The following PHF24 variants were observed in gnomAD, a reference collection of about 807,000 sequenced individuals.
PHF24 encodes the protein PHD finger protein 24, also known as Galpha inhibitory interacting protein.
In PHF24, 25 loss-of-function variants were observed where a neutral mutation model predicts 42.6. That is an observed-to-expected ratio of 0.59 (90% confidence interval 0.43 to 0.82). The LOEUF is 0.82. PHF24 is among the 40% of genes least tolerant of loss of function. PHF24 has a pLI of 0.00. For missense variants in PHF24, 470 were observed against 538.1 expected (o/e 0.87, Z 1.25); for synonymous variants, 185 against 204.8 (o/e 0.90, Z 0.83).
the PHF24 span, among the ~76,000 whole-genome samples, chr9:34,791,111 A>G: frequency 1.3e-5 from 2 of 152,248 alleles, no homozygotes; most frequent in African/African-American, 4.8e-5. Context: ...TTTTAAAAGA[A>G]CCACCCTAAA....
At chr9:34,832,734 A>T in the PHF24 span, 1 of 1,548,932 alleles carries the variant, frequency 6.5e-7, no homozygotes, top group Admixed American at 2.0e-5. Flanking sequence ...CCCATGTAAA[A>T]CTTGGCATTG....
the PHF24 span, among the ~76,000 whole-genome samples, chr9:34,733,888 G>A: frequency 1.4e-3 from 211 of 152,086 alleles, 1 homozygote; most frequent in African/African-American, 4.8e-3. Flanking sequence ...GGTACTCATG[G>A]TTTCATTATT....
intron 3 of PHF24, among the ~76,000 whole-genome samples, chr9:34,975,439 G>A (rs1003140267): frequency 1.3e-5 from 2 of 152,230 alleles, no homozygotes; most frequent in Non-Finnish European, 2.9e-5. Flanking sequence ...GAATACTCAT[G>A]AAATATCTGC....
chr9:34,943,685 T>A, the PHF24 span, among the ~76,000 whole-genome samples: 1 of 152,236 alleles, frequency 6.6e-6, no homozygotes, highest in Non-Finnish European at 1.5e-5. Context: ...ATATTGGTCC[T>A]GGTGTTGCTA....
chr9:34,706,201 A>G, the PHF24 span, among the ~76,000 whole-genome samples: 1 of 147,502 alleles, frequency 6.8e-6, no homozygotes, highest in East Asian at 1.9e-4. Flanking sequence ...AATAATATAA[A>G]CTGTAATTAT....
the PHF24 span, among the ~76,000 whole-genome samples, chr9:34,683,881 G>A: frequency 6.6e-6 from 1 of 152,208 alleles, no homozygotes; most frequent in Non-Finnish European, 1.5e-5. Context: ...TGCAGGGCAA[G>A]GGCCCCAGTT....
the PHF24 span, among the ~76,000 whole-genome samples, chr9:34,822,976 C>T: frequency 3.3e-5 from 5 of 150,408 alleles, no homozygotes; most frequent in African/African-American, 1.2e-4. Context: ...GCGGGTGGAT[C>T]ATGAGGTCAG....
At chr9:34,774,660 C>T in the PHF24 span, among the ~76,000 whole-genome samples, 2 of 152,078 alleles carry the variant, frequency 1.3e-5, no homozygotes, top group African/African-American at 4.8e-5. Flanking sequence ...GTAATTCCAA[C>T]TATTTGGGAG....
the PHF24 span, among the ~76,000 whole-genome samples, chr9:34,942,263 G>A: frequency 6.6e-6 from 1 of 152,192 alleles, no homozygotes; most frequent in Non-Finnish European, 1.5e-5. Context: ...ACAGAGCAAT[G>A]TTCCTAGGTG....
the PHF24 span, among the ~76,000 whole-genome samples, chr9:34,850,767 A>G: frequency 6.6e-6 from 1 of 152,090 alleles, no homozygotes; most frequent in Admixed American, 6.5e-5. Flanking sequence ...TGATGGACAG[A>G]TGGGTTTTTG....
At chr9:34,784,506 G>A in the PHF24 span, among the ~76,000 whole-genome samples, 1,249 of 152,306 alleles carry the variant, frequency 8.2e-3, 13 homozygotes, top group Middle Eastern at 0.037. Context: ...GGTATGGTAG[G>A]TGCAGGGAGA....
At chr9:34,750,699 T>C in the PHF24 span, among the ~76,000 whole-genome samples, 1 of 151,106 alleles carries the variant, frequency 6.6e-6, no homozygotes, top group African/African-American at 2.4e-5. Context: ...AAACATACAA[T>C]AGATACACAA....
chr9:34,692,809 C>G, the PHF24 span, among the ~76,000 whole-genome samples: 12 of 115,808 alleles, frequency 1.0e-4, no homozygotes, highest in Non-Finnish European at 8.6e-5. Flanking sequence ...TTTTTTGAGA[C>G]AGAGTCTCAC....
chr9:34,898,873 G>A, the PHF24 span, among the ~76,000 whole-genome samples: 52 of 152,224 alleles, frequency 3.4e-4, no homozygotes, highest in Non-Finnish European at 7.1e-4. Flanking sequence ...CTTCCACCAA[G>A]CCATTAAAAC....
the PHF24 span, chr9:34,837,640 G>C: frequency 1.2e-5 from 18 of 1,513,348 alleles, no homozygotes; most frequent in East Asian, 4.2e-4. Context: ...TCAGAGGAGA[G>C]ATTGGGACTT....
the PHF24 span, among the ~76,000 whole-genome samples, chr9:34,864,630 C>T: frequency 2.0e-5 from 3 of 152,158 alleles, no homozygotes; most frequent in Non-Finnish European, 4.4e-5. Flanking sequence ...CAGACCTGTC[C>T]TGCAAGAAGT....
the PHF24 span, among the ~76,000 whole-genome samples, chr9:34,744,871 G>T: frequency 1.3e-5 from 2 of 151,154 alleles, no homozygotes; most frequent in Non-Finnish European, 2.9e-5. Flanking sequence ...GACTTGGCAA[G>T]ATTAAAAAAA....
chr9:34,902,814 T>G, the PHF24 span, among the ~76,000 whole-genome samples: 2 of 152,152 alleles, frequency 1.3e-5, no homozygotes, highest in Non-Finnish European at 2.9e-5. Context: ...AGAGCTTTCT[T>G]GGGGAGGGGA....
At chr9:34,885,934 C>A in the PHF24 span, among the ~76,000 whole-genome samples, 1 of 151,900 alleles carries the variant, frequency 6.6e-6, no homozygotes, top group Non-Finnish European at 1.5e-5. Flanking sequence ...CCATACCATT[C>A]CCCCTGCCCA....
Sources: allele counts gnomAD v4.1 joint callset (sites outside exome capture counted in the v4.1 genomes callset), GRCh38; gene constraint gnomAD v4.1.1; transcripts MANE v1.5; gene names NCBI Gene and HGNC (gene_info 2026-07-23, HGNC 2026-07-21).